The following EGFL6 variants were observed in gnomAD, a reference collection of about 807,000 sequenced individuals.
EGFL6 encodes epidermal growth factor-like protein 6.
In EGFL6, 42 loss-of-function variants were observed where a neutral mutation model predicts 43.1. The ratio of observed to expected loss-of-function variants is 0.98; its 90% CI spans 0.76 to 1.26. EGFL6 has a LOEUF of 1.26. Among genes scored for constraint, EGFL6 ranks in the 50% most tolerant of loss-of-function variants. EGFL6 has a pLI of 0.00. For missense variants in EGFL6, 429 were observed against 427.8 expected, an observed-to-expected ratio of 1.00 and a Z score of -0.02; for synonymous variants, 164 against 163.2, an observed-to-expected ratio of 1.01 and a Z score of -0.04.
At chrX:13,593,226 G>C (rs962233517) in intron 2 of EGFL6, among the ~76,000 whole-genome samples, 1 of 111,261 alleles carries the variant, frequency 9.0e-6, no homozygotes, top group South Asian at 3.8e-4. Flanking sequence ...GATCATGCTA[G>C]TTTTAACTTG....
At chrX:13,616,186 T>G (rs1042615524) in intron 7 of EGFL6, among the ~76,000 whole-genome samples, 2 of 112,393 alleles carry the variant, frequency 1.8e-5, no homozygotes, top group Non-Finnish European at 3.8e-5. Context: ...TGAATTATCA[T>G]GAGTATATCC....
At position 13,619,346 on chromosome X, in the gene EGFL6, G is replaced by A. The variant is rs879126413; in HGVS notation, c.1183+103G>A. On this transcript the variant is annotated intron_variant, in intron 9 of 11. Coordinates refer to ENST00000361306, the MANE Select transcript of EGFL6 (RefSeq NM_015507.4). ...TTGTTTATGAATCCCTGCTTCATTCGTAAACCCCCAAGGGAAAAATCATTA... is the reference window on the plus strand; with the variant it reads ...TTGTTTATGAATCCCTGCTTCATTCATAAACCCCCAAGGGAAAAATCATTA... 29 of 719,273 alleles carry A rather than the reference G, an allele frequency of 4.0e-5. No homozygotes were observed. The East Asian group carries it at 5.8e-4, about 14-fold the overall frequency. The allele number at this position is 719,273 out of a possible 1,213,427, so 59.3% of individuals were successfully genotyped here.
At chrX:13,603,176 T>G (rs2045642629) in intron 4 of EGFL6, 141 bp from the exon 5 acceptor site, 5 of 736,137 alleles carry the variant, frequency 6.8e-6, no homozygotes, top group Non-Finnish European at 5.7e-6. Flanking sequence ...TGGCTCTCCA[T>G]TTGGGACTCA....
chrX:13,586,736 A>G (rs1189453033), intron 1 of EGFL6, among the ~76,000 whole-genome samples: 1 of 112,142 alleles, frequency 8.9e-6, no homozygotes, highest in East Asian at 2.8e-4. Context: ...TATATACCCA[A>G]GAGAAATTAA....
At chrX:13,602,498 G>A (rs1316516995) in intron 4 of EGFL6, among the ~76,000 whole-genome samples, 1 of 112,240 alleles carries the variant, frequency 8.9e-6, no homozygotes, top group African/African-American at 3.2e-5. Context: ...CATCCTCAGA[G>A]TATTGATTTT....
chrX:13,623,377 G>GTTTTTTTTTTTTTGTTTTT (rs2045759543), intron 9 of EGFL6, among the ~76,000 whole-genome samples: 1 of 40,371 alleles, frequency 2.5e-5, no homozygotes, highest in Non-Finnish European at 4.2e-5. Flanking sequence ...TTTATTTTGG[G>GTTTTTTTTTTTTTGTTTTT]TTTTTTTTTT....
intron 1 of EGFL6, 83 bp downstream of exon 1, chrX:13,570,018 C>T (rs1349088275): frequency 1.1e-6 from 1 of 892,320 alleles, no homozygotes; most frequent in Non-Finnish European, 1.6e-6. Context: ...GCAGGCACCC[C>T]CGCGTGTATG....
rs945362725 is a variant in EGFL6, at chrX:13,589,649, C to A, written c.168C>A (p.Asn56Lys). ...KLACCYGWRR[N>K]SKGVCEATCE... ...CCTGCTGCTACGGCTGGAGAAGAAA[C>A]AGCAAGGGAGTCTGTGAAGGTAATT... The change falls in exon 2 of 12, where the codon AAC becomes AAA. Residue 56 changes from asparagine (N) to lysine (K), a missense_variant. Transcript: ENST00000361306. 1 of 1,208,342 alleles carries A rather than the reference C, an allele frequency of 8.3e-7. No homozygotes were observed. Among genetic ancestry groups the A allele is most frequent in the African/African-American group, 1.8e-5 (1 of 57,102 alleles).
rs1569206879 is a variant in EGFL6, at chrX:13,606,395, C to T, written c.537C>T (p.Ala179=). The T allele has an allele frequency of 2.5e-6, 3 of 1,210,543 alleles. No homozygotes were observed. The highest frequency in any genetic ancestry group is 3.4e-6 in the Non-Finnish European group (3 of 894,944). ...GRDCLDIDEC[A]SGKVICPYNR... ...ACACCCTAGATATTGATGAATGTGC[C>T]TCTGGTAAAGTCATCTGTCCCTACA... The change falls in exon 6 of 12, where the codon GCC becomes GCT. Residue 179 remains alanine, a synonymous_variant. Transcript: ENST00000361306.
chrX:13,592,913 C>CT (rs1410896001), intron 2 of EGFL6, among the ~76,000 whole-genome samples: 5 of 81,768 alleles, frequency 6.1e-5, no homozygotes, highest in Admixed American at 1.3e-4. Flanking sequence ...AGGCTAGGTT[C>CT]TTTCTTTTTT....
intron 1 of EGFL6, among the ~76,000 whole-genome samples, chrX:13,587,776 G>A (rs2045541692): frequency 8.9e-6 from 1 of 112,221 alleles, no homozygotes; most frequent in South Asian, 3.7e-4. Context: ...CCAATAGACT[G>A]TGAACTTAAG....
Position 13,603,297 on chromosome X carries a change from A to G in EGFL6, c.401-20A>G. 1 of 1,188,367 alleles carries G rather than the reference A, an allele frequency of 8.4e-7. No homozygotes were observed. The highest frequency in any genetic ancestry group is 1.1e-6 in the Non-Finnish European group (1 of 886,342). Reference sequence around the variant, plus strand: ...TTATCATCTCAAGAGAGAAAGGCTAATCCTTGTCTACTTTTTCAGACTCTA... The same window carrying G: ...TTATCATCTCAAGAGAGAAAGGCTAGTCCTTGTCTACTTTTTCAGACTCTA... On this transcript the variant is annotated intron_variant, in intron 4 of 11. Coordinates refer to ENST00000361306, the MANE Select transcript of EGFL6 (RefSeq NM_015507.4).
In EGFL6 at chrX:13,585,777, T is replaced by C. The variant is rs1308586836; in HGVS notation, c.75-3779T>C. On this transcript the variant is annotated intron_variant, in intron 1 of 11. Transcript: ENST00000361306. ...CCCCCATACAGCTTTTCTTTCATCATGTTTTCTTTTGAAATCCAACTCAAA... is the reference window on the plus strand; with the variant it reads ...CCCCCATACAGCTTTTCTTTCATCACGTTTTCTTTTGAAATCCAACTCAAA... Among the ~76,000 whole-genome samples the C allele has an allele frequency of 4.5e-5, 5 of 111,712 alleles. No individual in the cohort carries two copies. The East Asian group carries it at 8.4e-4, about 19-fold the overall frequency.
intron 1 of EGFL6, among the ~76,000 whole-genome samples, chrX:13,586,898 A>G (rs778239746): frequency 1.8e-5 from 2 of 112,625 alleles, no homozygotes; most frequent in Non-Finnish European, 3.7e-5. Flanking sequence ...TTCAGCAATA[A>G]AAAGAAATAC....
Position 13,603,517 on chromosome X carries a change from A to G in EGFL6, c.520+81A>G, listed in dbSNP as rs143368938. On this transcript the variant is annotated intron_variant, in intron 5 of 11. Coordinates refer to ENST00000361306, the MANE Select transcript of EGFL6 (RefSeq NM_015507.4). ...ACTGAATCTTTTTTCATTCATCACAATCAGCTTGTTGACTAGACATTGGAA... is the reference window on the plus strand; with the variant it reads ...ACTGAATCTTTTTTCATTCATCACAGTCAGCTTGTTGACTAGACATTGGAA... 3.7e-4 allele frequency: 389 copies of G among 1,051,599 alleles called. 2 individuals carry two copies. In the East Asian group the frequency reaches 0.012, roughly 32 times the overall value. 86.7% of individuals were successfully genotyped at this position (1,051,599 alleles called of 1,213,427 possible).
chrX:13,629,990 T>C (rs1199405340), intron 11 of EGFL6, among the ~76,000 whole-genome samples: 1 of 112,097 alleles, frequency 8.9e-6, no homozygotes, highest in Non-Finnish European at 1.9e-5. Context: ...ACAGAAACCT[T>C]TACTGGGGTT....
rs766011082 is a variant in EGFL6, at chrX:13,592,545, G to A, written c.188-2291G>A. 5.4e-5 allele frequency among the ~76,000 whole-genome samples: 6 copies of A among 112,095 alleles called. No individual in the cohort carries two copies. The South Asian group carries it at 2.2e-3, about 42-fold the overall frequency. On this transcript the variant is annotated intron_variant, in intron 2 of 11. Transcript: ENST00000361306. Reference sequence around the variant, plus strand: ...CTGAAGGCACTTGGAAACAAGTAGTGGATGAAAGACAAGCACTGTAGCCAA... The same window carrying A: ...CTGAAGGCACTTGGAAACAAGTAGTAGATGAAAGACAAGCACTGTAGCCAA...
At chrX:13,570,044 G>A in intron 1 of EGFL6, 109 bp downstream of exon 1, 1 of 734,631 alleles carries the variant, frequency 1.4e-6, no homozygotes, top group Non-Finnish European at 2.1e-6. Flanking sequence ...GAGTGTGCAC[G>A]TGTGCCTGTG....
intron 2 of EGFL6, among the ~76,000 whole-genome samples, chrX:13,591,227 AAGTC>A (rs1426869292): frequency 2.7e-5 from 3 of 111,791 alleles, no homozygotes; most frequent in Non-Finnish European, 5.6e-5. Flanking sequence ...TTTTTATTTG[AAGTC>A]AGTCAGGTGG....
Sources: gnomAD v4.1 joint callset for allele counts (sites outside exome capture counted in the v4.1 genomes callset) on GRCh38, gnomAD v4.1.1 for gene constraint, MANE v1.5 for transcripts, NCBI Gene and HGNC (gene_info 2026-07-23, HGNC 2026-07-21) for gene names.